Variants in CEACAM20 observed in about 807,000 individuals in gnomAD.
CEACAM20 encodes the protein CEA cell adhesion molecule 20, also known as cell adhesion molecule CEACAM20.
Under a neutral mutation model 61.2 loss-of-function variants are expected in CEACAM20, and 50 were observed. The observed-to-expected ratio is 0.82, with a 90% CI of 0.65 to 1.03. The LOEUF (loss-of-function observed/expected upper bound fraction) is 1.03. Among genes scored for constraint, CEACAM20 ranks in the 50% least tolerant of loss-of-function variants. The pLI is 0.00. For synonymous variants in CEACAM20, 282 were observed against 287.7 expected (o/e 0.98, Z 0.20); for missense variants, 683 against 736.4 (o/e 0.93, Z 0.84).
At chr19:44,517,324 G>T in intron 5 of CEACAM20, 100 bp from the exon 6 acceptor site, 1 of 1,401,380 alleles carries the variant, frequency 7.1e-7, no homozygotes, top group South Asian at 1.3e-5. Flanking sequence ...AAAATAAACA[G>T]AACATACTCC....
chr19:44,520,499 A>G lies in CEACAM20; in HGVS notation c.1005T>C (p.Ser335=). Residue 335 remains serine, a synonymous_variant, in exon 5 of 12, where the codon AGT becomes AGC. Coordinates refer to ENST00000614924, the MANE Select transcript of CEACAM20 (RefSeq NM_001102597.3). ...EVWNWGSRAR[S]EPLELTINYG... ...AGTTGATGGTCAGCTCAAGGGGCTC[A>G]CTCCGGGCCCGGCTGCCCCAGTTCC... is the stretch of plus-strand genomic sequence containing the variant. The G allele has an allele frequency of 6.2e-7, 1 of 1,613,320 alleles. No homozygotes were observed.
chr19:44,521,961 G>A (rs1477141220), intron 4 of CEACAM20, among the ~76,000 whole-genome samples: 1 of 152,072 alleles, frequency 6.6e-6, no homozygotes, highest in Non-Finnish European at 1.5e-5. Flanking sequence ...CCCCTAGAGA[G>A]CCACCAGGGT....
chr19:44,513,303 C>A lies in CEACAM20; in HGVS notation c.1310-14G>T. 6.3e-7 allele frequency: 1 copy of A among 1,579,466 alleles called. No homozygotes were observed. Among genetic ancestry groups the A allele is most frequent in the Non-Finnish European group, 8.7e-7 (1 of 1,149,242 alleles). On this transcript the variant is annotated splice_polypyrimidine_tract_variant and intron_variant, in intron 6 of 11. Coordinates refer to ENST00000614924, the MANE Select transcript of CEACAM20 (RefSeq NM_001102597.3). ...AGGACTGGGGACCTGGGCAAGGAGA[C>A]AGAATCAAGACCCAGGCTTGACACA...
chr19:44,511,134 G>A lies in CEACAM20; in HGVS notation c.1633C>T (p.Arg545Cys), dbSNP rs200684821. 878 of 1,613,768 alleles carry A rather than the reference G, an allele frequency of 5.4e-4. 1 individual carries two copies. Among genetic ancestry groups the A allele is most frequent in the Admixed American group, 8.5e-4 (51 of 59,976 alleles). The change falls in exon 11 of 12, where the codon CGT becomes TGT. Residue 545 changes from arginine to cysteine, a missense_variant. Arg to Cys is a radical substitution (Grantham distance 180). Coordinates refer to ENST00000614924, the MANE Select transcript of CEACAM20 (RefSeq NM_001102597.3). ...CAGGGGCTGAAAGAATTGCCTCTAC[G>A]GCTTGCTGAAGGCAGCTTCGTCTGC... ...TYETKLPSAS[R>C]RGNSFSPWKP...
intron 1 of CEACAM20, among the ~76,000 whole-genome samples, chr19:44,528,832 C>CAG (rs1366331531): frequency 9.3e-6 from 1 of 107,000 alleles, no homozygotes; most frequent in African/African-American, 4.5e-5. Context: ...CTCAAGTATA[C>CAG]ACACACACAC....
At position 44,526,427 on chromosome 19, in the gene CEACAM20, C is replaced by G. The variant is rs534021676; in HGVS notation, c.53-1183G>C. Among the ~76,000 whole-genome samples, 74 of 152,040 alleles carry G rather than the reference C, an allele frequency of 4.9e-4. 1 individual carries two copies. Among genetic ancestry groups the G allele is most frequent in the Admixed American group, 2.8e-3 (42 of 15,266 alleles). On this transcript the variant is annotated intron_variant, in intron 1 of 11. Coordinates refer to ENST00000614924, the MANE Select transcript of CEACAM20 (RefSeq NM_001102597.3). ...GTCTGAAATGGGAGGATCACTTGAGCCTGGGAGTTTGAGGCTGCAGTGAGC... is the reference window on the plus strand; with the variant it reads ...GTCTGAAATGGGAGGATCACTTGAGGCTGGGAGTTTGAGGCTGCAGTGAGC...
At chr19:44,518,123 G>A (rs1423717491) in intron 5 of CEACAM20, among the ~76,000 whole-genome samples, 2,834 of 48,444 alleles carry the variant, frequency 0.059, 142 homozygotes, top group African/African-American at 0.23. Flanking sequence ...AGGAAGGAAG[G>A]AAGGAAGGAA....
chr19:44,522,906 G>T lies in CEACAM20; in HGVS notation c.479C>A (p.Pro160His). ...DPIFLDVKYG[P>H]DPVEIKLESG... Reference sequence around the variant, plus strand: ...CTCCAATTTGATTTCAACAGGATCAGGACCATCTGAGAGGACAGGAACAAT... The same window carrying T: ...CTCCAATTTGATTTCAACAGGATCATGACCATCTGAGAGGACAGGAACAAT... Residue 160 changes from proline to histidine, a missense_variant, in exon 4 of 12, where the codon CCT becomes CAT. Pro to His is a moderately conservative substitution (Grantham distance 77). Coordinates refer to ENST00000614924, the MANE Select transcript of CEACAM20 (RefSeq NM_001102597.3). The T allele has an allele frequency of 6.2e-7, 1 of 1,601,126 alleles. No homozygotes were observed. The highest frequency in any genetic ancestry group is 1.1e-5 in the South Asian group (1 of 88,294).
intron 6 of CEACAM20, among the ~76,000 whole-genome samples, chr19:44,513,625 G>C (rs1971075652): frequency 6.6e-6 from 1 of 151,634 alleles, no homozygotes; most frequent in Non-Finnish European, 1.5e-5. Context: ...CTTTGGTAGA[G>C]AGGGGGTGTT....
intron 1 of CEACAM20, among the ~76,000 whole-genome samples, chr19:44,529,154 G>A (rs747236950): frequency 2.0e-5 from 3 of 151,458 alleles, no homozygotes; most frequent in Non-Finnish European, 4.4e-5. Flanking sequence ...TAGTAGAGAC[G>A]GGGGTTTGCC....
intron 11 of CEACAM20, among the ~76,000 whole-genome samples, chr19:44,510,573 AAAGAAAG>A (rs1970950618): frequency 2.1e-5 from 1 of 47,624 alleles, no homozygotes; most frequent in African/African-American, 1.1e-4. Flanking sequence ...AGAAAGAAAG[AAAGAAAG>A]AAAGAAAGAA....
At position 44,524,302 on chromosome 19, in the gene CEACAM20, G is replaced by A. The variant is rs568079218; in HGVS notation, c.197-41C>T. 111 of 1,578,190 alleles carry A rather than the reference G, an allele frequency of 7.0e-5. 1 individual carries two copies. The Admixed American group carries it at 1.9e-3, about 27-fold the overall frequency. ...GGAGACAGAGGCAGAGACACAGGTA[G>A]AGGAAGAACAAACAAGACATAGTCA... is the stretch of plus-strand genomic sequence containing the variant. On this transcript the variant is annotated intron_variant, in intron 2 of 11. Transcript: ENST00000614924.
chr19:44,517,372 C>G, intron 5 of CEACAM20, 148 bp from the exon 6 acceptor site: 4 of 1,008,582 alleles, frequency 4.0e-6, no homozygotes, highest in Non-Finnish European at 5.8e-6. Context: ...AGAGTGTGGT[C>G]CACAACACTG....
At position 44,528,956 on chromosome 19, in the gene CEACAM20, CTTTTTTTTTTTT is replaced by C. The variant is rs71171255; in HGVS notation, c.52+490_52+501del. 2.2e-5 allele frequency among the ~76,000 whole-genome samples: 2 copies of C among 92,644 alleles called. 1 individual carries two copies. Among genetic ancestry groups the C allele is most frequent in the African/African-American group, 9.1e-5 (2 of 22,032 alleles). The allele number at this position is 92,644 out of a possible 152,430, so 60.8% of individuals were successfully genotyped here. On this transcript the variant is annotated intron_variant, in intron 1 of 11. Coordinates refer to ENST00000614924, the MANE Select transcript of CEACAM20 (RefSeq NM_001102597.3). ...TATTTCTGTATTTCTCTCTTTCTTT[CTTTTTTTTTTTT>C]TTTTTTTTGAGACAGGGTCTTGCTG...
rs753460886 is a variant in CEACAM20, at chr19:44,524,189, C to T, written c.269G>A (p.Cys90Tyr). Residue 90 changes from cysteine to tyrosine, a missense_variant, in exon 3 of 12, where the codon TGC (cysteine) becomes TAC (tyrosine). Transcript: ENST00000614924. ...GGTAATGTTGACGTCCTTAGTGGTG[C>T]AGTAGAAGGTCACCATGTCCTTCTG... is the stretch of plus-strand genomic sequence containing the variant. ...IEQKDMVTFY[C>Y]TTKDVNITIH... The T allele has an allele frequency of 1.2e-6, 2 of 1,613,830 alleles. No individual in the cohort carries two copies. Among genetic ancestry groups the T allele is most frequent in the South Asian group, 1.1e-5 (1 of 91,090 alleles).
intron 11 of CEACAM20, among the ~76,000 whole-genome samples, chr19:44,510,769 A>C (rs1387192224): frequency 6.6e-6 from 1 of 152,234 alleles, no homozygotes; most frequent in Non-Finnish European, 1.5e-5. Flanking sequence ...ATAGAAATAC[A>C]GAAAATGAAT....
At chr19:44,516,202 T>C (rs772233356) in intron 6 of CEACAM20, among the ~76,000 whole-genome samples, 2 of 152,206 alleles carry the variant, frequency 1.3e-5, no homozygotes, top group African/African-American at 2.4e-5. Flanking sequence ...AGGGACTCCC[T>C]GCCAGTCATG....
rs1971319937 is a variant in CEACAM20 at position 44,520,470 on chromosome 19, TCA to T, written c.1030+2_1030+3del. 6.2e-7 allele frequency: 1 copy of T among 1,610,588 alleles called. No homozygotes were observed. The highest frequency in any genetic ancestry group is 1.3e-5 in the African/African-American group (1 of 74,854). On this transcript the variant is annotated splice_donor_variant and splice_donor_region_variant and intron_variant, in intron 5 of 11. Coordinates refer to ENST00000614924, the MANE Select transcript of CEACAM20 (RefSeq NM_001102597.3). LOFTEE classifies it high-confidence loss of function. ...GGGGAAGGTCCAGGCCCTGGGTGAC[TCA>T]CAGTTGATGGTCAGCTCAAGGGGCT...
At position 44,513,268 on chromosome 19, in the gene CEACAM20, G is replaced by C. The variant is rs770796735; in HGVS notation, c.1331C>G (p.Ser444Cys). ...KVVGPQSSSL[S>C]SGAIAGIVIG... ...GACAATACCAGCGATGGCCCCTGAG[G>C]ACAGGGAGGAGGACTGGGGACCTGG... is the stretch of plus-strand genomic sequence containing the variant. Residue 444 changes from serine to cysteine, a missense_variant, in exon 7 of 12, where the codon TCC (serine) becomes TGC (cysteine). By Grantham distance (112) the Ser-to-Cys change is moderately radical. Transcript: ENST00000614924. The C allele has an allele frequency of 7.4e-6, 12 of 1,613,652 alleles. No individual in the cohort carries two copies. The East Asian group carries it at 2.5e-4, about 33-fold the overall frequency.
Sources: allele counts gnomAD v4.1 joint callset (sites outside exome capture counted in the v4.1 genomes callset), GRCh38; gene constraint gnomAD v4.1.1; transcripts MANE v1.5; gene names NCBI Gene and HGNC (gene_info 2026-07-23, HGNC 2026-07-21).